Variants in CAMKK1 observed in about 807,000 individuals in gnomAD.
CAMKK1 encodes calcium/calmodulin-dependent protein kinase kinase 1.
Under a neutral mutation model 63.5 loss-of-function variants are expected in CAMKK1, and 20 were observed. The observed-to-expected ratio is 0.32, with a 90% CI of 0.22 to 0.46. The LOEUF (loss-of-function observed/expected upper bound fraction) is 0.46, where lower values mean the gene tolerates loss of function less well. CAMKK1 is among the 20% of genes least tolerant of loss of function. The probability of loss-of-function intolerance (pLI) is 1.00; values close to 1 mark genes in which losing one functional copy is unlikely to be tolerated. For missense variants in CAMKK1, 588 were observed against 658.1 expected, an observed-to-expected ratio of 0.89 and a Z score of 1.17; for synonymous variants, 253 against 269.0, an observed-to-expected ratio of 0.94 and a Z score of 0.58.
chr17:3,875,544 A>C (rs1438846804), intron 10 of CAMKK1, among the ~76,000 whole-genome samples: 1 of 152,012 alleles, frequency 6.6e-6, no homozygotes, highest in Non-Finnish European at 1.5e-5. Context: ...TGGCCTCCCA[A>C]AGCACTGGGA....
At position 3,885,512 on chromosome 17, in the gene CAMKK1, G is replaced by A. The variant is rs1446600000; in HGVS notation, c.176C>T (p.Ser59Leu). Residue 59 changes from serine to leucine, a missense_variant, in exon 2 of 16, where the codon TCA becomes TTA. Physicochemically the swap from Ser to Leu is moderately radical, Grantham distance 145. This residue lies in a region of CAMKK1 where 357 missense variants were observed against 407.4 expected (regional missense o/e 0.88). Coordinates refer to ENST00000348335, the MANE Select transcript of CAMKK1 (RefSeq NM_032294.3). ...GCTAGGCCGGGCTGGGAGCAGTCTTGAAGTACTGCCAGGGATCACAGAGGC... is the reference window on the plus strand; with the variant it reads ...GCTAGGCCGGGCTGGGAGCAGTCTTAAAGTACTGCCAGGGATCACAGAGGC... ...RAASVIPGST[S>L]RLLPARPSLS... 6.2e-7 allele frequency: 1 copy of A among 1,613,896 alleles called. No homozygotes were observed. Among genetic ancestry groups the A allele is most frequent in the South Asian group, 1.1e-5 (1 of 91,086 alleles).
rs1039324869 is a variant in CAMKK1 at position 3,860,739 on chromosome 17, G to C, written c.*1472C>G. ...CTAGCCTTAAATAGACGTAGAAACTGTATTACAGATGCATGTACCAGTGCA... is the reference window on the plus strand; with the variant it reads ...CTAGCCTTAAATAGACGTAGAAACTCTATTACAGATGCATGTACCAGTGCA... On this transcript the variant is annotated 3_prime_UTR_variant, in exon 16 of 16. Transcript: ENST00000348335. The C allele has an allele frequency of 3.9e-5, 6 of 152,272 alleles. No homozygotes were observed. The highest frequency in any genetic ancestry group is 1.4e-4 in the African/African-American group (6 of 41,446). The allele number at this position is 152,272 out of a possible 1,614,324, so 9.4% of individuals were successfully genotyped here. A position where few individuals can be genotyped will look rare whatever the true frequency, so the allele number is the denominator to read the frequency against.
chr17:3,872,767 C>G, intron 11 of CAMKK1, 140 bp from the exon 12 acceptor site: 1 of 665,830 alleles, frequency 1.5e-6, no homozygotes, highest in South Asian at 1.8e-5. Context: ...TCAACTCACA[C>G]TGTAAATGTT....
At position 3,860,642 on chromosome 17, in the gene CAMKK1, G is replaced by A. The variant is rs987907403; in HGVS notation, c.*1569C>T. The A allele has an allele frequency of 6.6e-6, 1 of 152,158 alleles. No homozygotes were observed. Among genetic ancestry groups the A allele is most frequent in the Admixed American group, 6.5e-5 (1 of 15,268 alleles). 9.4% of individuals were successfully genotyped at this position (152,158 alleles called of 1,614,324 possible). A position where few individuals can be genotyped will look rare whatever the true frequency, so the allele number is the denominator to read the frequency against. ...AGTACCGAGTAACTTTTTAAGCTTC[G>A]GGCCACACTGCCTTAGCCCAGAGGA... is the stretch of plus-strand genomic sequence containing the variant. On this transcript the variant is annotated 3_prime_UTR_variant, in exon 16 of 16. Coordinates refer to ENST00000348335, the MANE Select transcript of CAMKK1 (RefSeq NM_032294.3).
rs1225931259 is a variant in CAMKK1 at position 3,883,377 on chromosome 17, T to A, written c.514+52A>T. 6.4e-7 allele frequency: 1 copy of A among 1,568,634 alleles called. No homozygotes were observed. Among genetic ancestry groups the A allele is most frequent in the Non-Finnish European group, 8.8e-7 (1 of 1,138,978 alleles). On this transcript the variant is annotated intron_variant, in intron 5 of 15. Coordinates refer to ENST00000348335, the MANE Select transcript of CAMKK1 (RefSeq NM_032294.3). This position sits in a 1 kb window ranked among gnomAD's most constrained non-coding sequence, Gnocchi z 4.7. ...AAACTAGCTCAGGATCGAGGTCTCC[T>A]CCTCTGCCTCCAGGCTAGGAGCTCC...
intron 12 of CAMKK1, among the ~76,000 whole-genome samples, chr17:3,870,725 G>A (rs778513721): frequency 1.1e-4 from 16 of 152,148 alleles, no homozygotes; most frequent in Non-Finnish European, 2.1e-4. Flanking sequence ...AGACTAGGGA[G>A]CAGAAAGCCA....
At chr17:3,888,840 C>T (rs945085742) in intron 1 of CAMKK1, among the ~76,000 whole-genome samples, 2 of 152,120 alleles carry the variant, frequency 1.3e-5, no homozygotes, top group African/African-American at 4.8e-5. Context: ...CCTGGCGCCC[C>T]GGCCGCGTGT....
At chr17:3,891,409 C>T (rs191976337) in intron 1 of CAMKK1, among the ~76,000 whole-genome samples, 1 of 152,234 alleles carries the variant, frequency 6.6e-6, no homozygotes, top group East Asian at 1.9e-4. Flanking sequence ...GCTGCTGATA[C>T]AGTGTAGTTG....
Position 3,862,231 on chromosome 17 carries a change from C to A in CAMKK1, c.1498G>T (p.Glu500Ter). The change falls in exon 16 of 16, where the codon GAA (glutamate) becomes TAA (stop). Residue 500 changes from glutamate (E) to a stop codon, truncating the protein, a stop_gained. Coordinates refer to ENST00000348335, the MANE Select transcript of CAMKK1 (RefSeq NM_032294.3). LOFTEE classifies it high-confidence loss of function. This position sits in a 1 kb window ranked among gnomAD's most constrained non-coding sequence, Gnocchi z 4.1. Reference sequence around the variant, plus strand: ...GGGGCTCAGGATGCAGCCTCGTCTTCCTGGACGCCGGGGAGCTCTGGGCTC... The same window carrying A: ...GGGGCTCAGGATGCAGCCTCGTCTTACTGGACGCCGGGGAGCTCTGGGCTC... The part of the protein sequence containing the change: ...GKSPELPGVQ[E>*]DEAAS 1.3e-6 allele frequency: 2 copies of A among 1,591,220 alleles called. No individual in the cohort carries two copies. Among genetic ancestry groups the A allele is most frequent in the Non-Finnish European group, 8.6e-7 (1 of 1,168,282 alleles).
chr17:3,864,770 C>T (rs1426551159), intron 15 of CAMKK1, among the ~76,000 whole-genome samples: 2 of 152,312 alleles, frequency 1.3e-5, no homozygotes, highest in East Asian at 1.9e-4. Flanking sequence ...CCAGGCCCCC[C>T]ACCTCATTAT....
At chr17:3,873,596 G>A (rs1419533107) in intron 10 of CAMKK1, 134 bp from the exon 11 acceptor site, 19 of 858,496 alleles carry the variant, frequency 2.2e-5, no homozygotes, top group Middle Eastern at 2.5e-4. Context: ...AACACTCCGC[G>A]GTACTTGCCC....
At position 3,882,351 on chromosome 17, in the gene CAMKK1, CT is replaced by C. The variant is rs779370253; in HGVS notation, c.685+176del. 75 of 1,613,770 alleles carry C rather than the reference CT, an allele frequency of 4.6e-5. 2 individuals carry two copies. The East Asian group carries it at 1.7e-3, about 36-fold the overall frequency. On this transcript the variant is annotated intron_variant, in intron 7 of 15. Coordinates refer to ENST00000348335, the MANE Select transcript of CAMKK1 (RefSeq NM_032294.3). The surrounding 1 kb of genome is among the most constrained non-coding windows in gnomAD (Gnocchi z 4.3). ...TATTTGTTGAATCTAACTGGATATT[CT>C]GGGCCTGGTTCTGCAGGGCTGGGCA...
At chr17:3,867,633 G>C (rs2054584663) in intron 14 of CAMKK1, among the ~76,000 whole-genome samples, 1 of 152,156 alleles carries the variant, frequency 6.6e-6, no homozygotes, top group African/African-American at 2.4e-5. Context: ...GGAGTTGCCT[G>C]GTTCCAGCGA....
rs1167709248 is a variant in CAMKK1 at position 3,889,144 on chromosome 17, G to A, written c.-43-3414C>T. On this transcript the variant is annotated intron_variant, in intron 1 of 15. Transcript: ENST00000348335. This position sits in a 1 kb window ranked among gnomAD's most constrained non-coding sequence, Gnocchi z 5.2. ...TTCCCCATAGTCACTGGTCCCACCA[G>A]CCTGGCACTGCCTGCTGGGCTGGAT... 6.6e-6 allele frequency among the ~76,000 whole-genome samples: 1 copy of A among 152,174 alleles called. No homozygotes were observed. Among genetic ancestry groups the A allele is most frequent in the Non-Finnish European group, 1.5e-5 (1 of 68,026 alleles).
At chr17:3,881,811 A>G in intron 7 of CAMKK1, 163 bp from the exon 8 acceptor site, 1 of 660,186 alleles carries the variant, frequency 1.5e-6, no homozygotes, top group East Asian at 2.7e-5. Flanking sequence ...TAAATGCATG[A>G]GAGTGGGGTC....
rs1001439019 is a variant in CAMKK1, at chr17:3,889,723, C to A, written c.-44+3216G>T. Among the ~76,000 whole-genome samples the A allele has an allele frequency of 6.6e-6, 1 of 152,156 alleles. No homozygotes were observed. Among genetic ancestry groups the A allele is most frequent in the Non-Finnish European group, 1.5e-5 (1 of 68,032 alleles). On this transcript the variant is annotated intron_variant, in intron 1 of 15. Coordinates refer to ENST00000348335, the MANE Select transcript of CAMKK1 (RefSeq NM_032294.3). This position sits in a 1 kb window ranked among gnomAD's most constrained non-coding sequence, Gnocchi z 5.2. ...AGATGGCCTGGCACATATCCCCCAC[C>A]CAGGTTTTTCCTCCCAGGCTGTGCC...
intron 12 of CAMKK1, among the ~76,000 whole-genome samples, chr17:3,871,333 GTTTTTTTTTTTTTGTTTTTTTTTTTT>G (rs1436295175): frequency 8.1e-5 from 9 of 111,006 alleles, no homozygotes; most frequent in Non-Finnish European, 1.5e-4. Flanking sequence ...GTTGTTTTTT[GTTTTTTTTTTTTTGTTTTTTTTTTTT>G]TTTTTTTTTT....
At chr17:3,880,312 C>CCCAGCCCCAGTGGGCAG in intron 9 of CAMKK1, 34 bp downstream of exon 9, 1 of 1,586,486 alleles carries the variant, frequency 6.3e-7, no homozygotes, top group Non-Finnish European at 8.7e-7. Flanking sequence ...ATCCCCTAGC[C>CCCAGCCCCAGTGGGCAG]CCAGCCCCAG....
chr17:3,872,844 TA>T (rs1164598965), intron 11 of CAMKK1, among the ~76,000 whole-genome samples: 2 of 152,140 alleles, frequency 1.3e-5, no homozygotes, highest in Admixed American at 1.3e-4. Flanking sequence ...CCACCGCCGT[TA>T]CTGCCACCCG....
Sources: gnomAD v4.1 joint callset for allele counts (sites outside exome capture counted in the v4.1 genomes callset) on GRCh38, gnomAD v4.1.1 for gene constraint, gnomAD v4.1.1 regional missense constraint, Gnocchi (gnomAD v3.1) non-coding constraint, MANE v1.5 for transcripts, NCBI Gene and HGNC (gene_info 2026-07-23, HGNC 2026-07-21) for gene names.